The following CGA variants were observed in gnomAD, a reference collection of about 807,000 sequenced individuals.
The protein encoded by CGA is glycoprotein hormones, alpha polypeptide.
CGA carries 4 observed loss-of-function variants against 12.0 expected under a neutral mutation model. The ratio of observed to expected loss-of-function variants is 0.33; its 90% confidence interval spans 0.16 to 0.76. The LOEUF (loss-of-function observed/expected upper bound fraction) is 0.76. Among genes scored for constraint, CGA ranks in the 30% least tolerant of loss-of-function variants. The probability of loss-of-function intolerance (pLI) is 0.60; values close to 1 mark genes in which losing one functional copy is unlikely to be tolerated. For missense variants in CGA, 102 were observed against 143.5 expected (o/e 0.71, Z 1.48); for synonymous variants, 60 against 56.6 (o/e 1.06, Z -0.27).
chr6:87,089,733 A>T (rs1769396554), intron 1 of CGA, among the ~76,000 whole-genome samples: 1 of 152,182 alleles, frequency 6.6e-6, no homozygotes, highest in Non-Finnish European at 1.5e-5. Flanking sequence ...TTTATAACAC[A>T]TGTTGAGTAT....
Position 87,086,344 on chromosome 6 carries a change from G to C in CGA, c.179C>G (p.Ala60Gly). The C allele has an allele frequency of 6.2e-7, 1 of 1,614,026 alleles. No homozygotes were observed. The highest frequency in any genetic ancestry group is 1.1e-5 in the South Asian group (1 of 91,074). Residue 60 changes from alanine (A) to glycine (G), a missense_variant, in exon 3 of 4, where the codon GCA becomes GGA. Ala to Gly is a moderately conservative substitution (Grantham distance 60). Coordinates refer to ENST00000627148, the MANE Select transcript of CGA (RefSeq NM_000735.4). The part of the protein sequence containing the change: ...LQCMGCCFSR[A>G]YPTPLRSKKT... ...CTTGGACCTTAGTGGAGTGGGATAT[G>C]CTCTAGAGAAGCAGCAGCCCATGCA...
intron 1 of CGA, among the ~76,000 whole-genome samples, chr6:87,091,775 C>G (rs951463033): frequency 2.0e-5 from 3 of 152,206 alleles, no homozygotes; most frequent in African/African-American, 7.2e-5. Context: ...AGTTTTCACC[C>G]AACCCCAAAG....
At chr6:87,088,080 C>T in intron 2 of CGA, 33 bp downstream of exon 2, 1 of 1,318,868 alleles carries the variant, frequency 7.6e-7, no homozygotes. Flanking sequence ...GTGTGTTGTC[C>T]TTATTACTTG....
At chr6:87,087,003 C>T (rs910409312) in intron 2 of CGA, among the ~76,000 whole-genome samples, 2 of 150,726 alleles carry the variant, frequency 1.3e-5, no homozygotes, top group Admixed American at 6.6e-5. Context: ...CACTAGAACC[C>T]GGAAGGCGGA....
intron 1 of CGA, among the ~76,000 whole-genome samples, chr6:87,093,787 A>G (rs1387175853): frequency 6.6e-6 from 1 of 152,226 alleles, no homozygotes; most frequent in African/African-American, 2.4e-5. Flanking sequence ...CTGGAACATA[A>G]TTAATTGCTT....
chr6:87,087,038 G>A (rs755191242), intron 2 of CGA, among the ~76,000 whole-genome samples: 3 of 147,084 alleles, frequency 2.0e-5, no homozygotes, highest in East Asian at 2.0e-4. Context: ...GAGATCACAC[G>A]ATTGCACTCC....
chr6:87,088,871 T>A (rs1769378710), intron 1 of CGA: 1 of 152,232 alleles, frequency 6.6e-6, no homozygotes, highest in South Asian at 2.1e-4. Context: ...GTACTTACCA[T>A]ATGCCCCAAC....
intron 1 of CGA, among the ~76,000 whole-genome samples, chr6:87,089,599 C>T (rs1022076331): frequency 6.6e-6 from 1 of 152,154 alleles, no homozygotes; most frequent in East Asian, 1.9e-4. Context: ...TTTAAAGGTA[C>T]ATATGAGTCA....
chr6:87,093,879 A>C (rs1202048678), intron 1 of CGA, among the ~76,000 whole-genome samples: 1 of 152,188 alleles, frequency 6.6e-6, no homozygotes, highest in Non-Finnish European at 1.5e-5. Flanking sequence ...AATGACTCTT[A>C]CTGCAAAAAA....
Position 87,088,216 on chromosome 6 carries a change from A to C in CGA, c.-7-9T>G, listed in dbSNP as rs764168369. ...AGTAATCCATGGCGCTCCTGCAGAC[A>C]GACATGGCAAAAAAAAAAAAACAAA... On this transcript the variant is annotated splice_polypyrimidine_tract_variant and intron_variant, in intron 1 of 3. Transcript: ENST00000627148. The C allele has an allele frequency of 5.3e-6, 7 of 1,323,330 alleles. No homozygotes were observed. The highest frequency in any genetic ancestry group is 7.0e-6 in the Non-Finnish European group (7 of 1,001,758). 82.0% of individuals were successfully genotyped at this position (1,323,330 alleles called of 1,614,324 possible).
In CGA at chr6:87,085,570, A is replaced by G. The variant is rs191775331; in HGVS notation, c.*186T>C. The stretch of plus-strand genomic sequence containing the variant: ...GCTGTATTCATTCCAAATGAAAAGA[A>G]CTAGACTGCTGATTGTACTGTAGGA... On this transcript the variant is annotated 3_prime_UTR_variant, in exon 4 of 4. Coordinates refer to ENST00000627148, the MANE Select transcript of CGA (RefSeq NM_000735.4). The G allele has an allele frequency of 4.5e-4, 255 of 572,976 alleles. No individual in the cohort carries two copies. In the African/African-American group the frequency reaches 4.5e-3, roughly 10 times the overall value. 35.5% of individuals were successfully genotyped at this position (572,976 alleles called of 1,614,324 possible). A position where few individuals can be genotyped will look rare whatever the true frequency, so the allele number is the denominator to read the frequency against.
At chr6:87,094,139 T>C (rs1582323703) in intron 1 of CGA, among the ~76,000 whole-genome samples, 1 of 152,178 alleles carries the variant, frequency 6.6e-6, no homozygotes, top group Non-Finnish European at 1.5e-5. Context: ...GGGAAAAAGA[T>C]TGAAGAGCTT....
At chr6:87,090,144 T>C (rs1769405295) in intron 1 of CGA, among the ~76,000 whole-genome samples, 2 of 152,186 alleles carry the variant, frequency 1.3e-5, no homozygotes, top group African/African-American at 4.8e-5. Flanking sequence ...ATGTAAGTAA[T>C]TTTGAGTTCT....
At chr6:87,092,504 C>A (rs1769450417) in intron 1 of CGA, among the ~76,000 whole-genome samples, 1 of 139,882 alleles carries the variant, frequency 7.1e-6, no homozygotes, top group Non-Finnish European at 1.5e-5. Flanking sequence ...CAGTGAGAAA[C>A]CCCGTCTTGA....
Position 87,088,116 on chromosome 6 carries a change from G to T in CGA, c.85C>A (p.Gln29Lys). Residue 29 changes from glutamine (Q) to lysine (K), a missense_variant, in exon 2 of 4, where the codon CAG (glutamine) becomes AAG (lysine). By Grantham distance (53) the Gln-to-Lys change is moderately conservative (BLOSUM62 1). Transcript: ENST00000627148. ...AACCACAAATTTGGTCACGCACCCT[G>T]CACATCAGGAGCGGAATGGAGAACA... is the stretch of plus-strand genomic sequence containing the variant. Reference protein sequence around the residue: ...LHVLHSAPDVQDCPECTLQEN... With the variant: ...LHVLHSAPDVKDCPECTLQEN... 1 of 1,590,836 alleles carries T rather than the reference G, an allele frequency of 6.3e-7. No individual in the cohort carries two copies. The highest frequency in any genetic ancestry group is 1.1e-5 in the South Asian group (1 of 87,988).
At chr6:87,088,243 A>C in intron 1 of CGA, 36 bp from the exon 2 acceptor site, 1 of 1,254,098 alleles carries the variant, frequency 8.0e-7, no homozygotes, top group Non-Finnish European at 1.1e-6. Flanking sequence ...AAAAACAAAA[A>C]ACAGTTAATC....
Position 87,091,489 on chromosome 6 carries a change from CA to C in CGA, c.-7-3283del, listed in dbSNP as rs1769430777. On this transcript the variant is annotated intron_variant, in intron 1 of 3. Coordinates refer to ENST00000627148, the MANE Select transcript of CGA (RefSeq NM_000735.4). ...TTCTGCTAGGATTTATGCTATTTTG[CA>C]AAAATATGCTCAATCTAAAGTCAGA... Among the ~76,000 whole-genome samples, 3 of 152,230 alleles carry C rather than the reference CA, an allele frequency of 2.0e-5. No homozygotes were observed. In the East Asian group the frequency reaches 5.8e-4, roughly 29 times the overall value.
rs6926846 is a variant in CGA at position 87,089,796 on chromosome 6, C to T, written c.-7-1589G>A. 3.9e-5 allele frequency among the ~76,000 whole-genome samples: 6 copies of T among 152,040 alleles called. No homozygotes were observed. The South Asian group carries it at 6.2e-4, about 16-fold the overall frequency. On this transcript the variant is annotated intron_variant, in intron 1 of 3. Coordinates refer to ENST00000627148, the MANE Select transcript of CGA (RefSeq NM_000735.4). Reference sequence around the variant, plus strand: ...ATGGCCCACAATCTGAAACATTTTGCGCACCAACATGATTACACAAGTGGA... The same window carrying T: ...ATGGCCCACAATCTGAAACATTTTGTGCACCAACATGATTACACAAGTGGA...
intron 1 of CGA, among the ~76,000 whole-genome samples, chr6:87,089,617 T>C (rs1031945675): frequency 1.3e-5 from 2 of 152,188 alleles, no homozygotes; most frequent in Non-Finnish European, 2.9e-5. Context: ...TCAAAACTTA[T>C]GGTTATTTTT....
Sources: allele counts gnomAD v4.1 joint callset (sites outside exome capture counted in the v4.1 genomes callset), GRCh38; gene constraint gnomAD v4.1.1; transcripts MANE v1.5; gene names NCBI Gene and HGNC (gene_info 2026-07-23, HGNC 2026-07-21).